Variants in CHRM3 observed in about 807,000 individuals in gnomAD.
The protein encoded by CHRM3 is cholinergic receptor muscarinic 3.
A neutral mutation model predicts 41.8 loss-of-function variants in CHRM3; 11 were observed. The ratio of observed to expected loss-of-function variants is 0.26; its 90% CI spans 0.17 to 0.44. CHRM3 has a LOEUF of 0.44. Ranked by LOEUF, CHRM3 falls within the 20% of genes least tolerant of loss-of-function variation. CHRM3 has a pLI of 1.00. For synonymous variants in CHRM3, 297 were observed against 301.4 expected (o/e 0.99, Z 0.15); for missense variants, 571 against 745.4 (o/e 0.77, Z 2.72).
intron 3 of CHRM3, among the ~76,000 whole-genome samples, chr1:239,565,776 GAAAAT>G (rs1661298751): frequency 1.3e-5 from 2 of 151,722 alleles, no homozygotes; most frequent in African/African-American, 4.8e-5. Flanking sequence ...AAGTAATTAA[GAAAAT>G]AAAATAACAC....
chr1:239,658,128 T>C lies in CHRM3; in HGVS notation c.-249-20058T>C, dbSNP rs1386575291. On this transcript the variant is annotated intron_variant, in intron 4 of 6. Coordinates refer to ENST00000676153, the MANE Select transcript of CHRM3 (RefSeq NM_001375978.1). The stretch of plus-strand genomic sequence containing the variant: ...CTGAGACTGAGAGTTAAGTATCTAA[T>C]AAATATGAGACTGGCTATTGAGATC... 3.9e-5 allele frequency among the ~76,000 whole-genome samples: 6 copies of C among 152,328 alleles called. No individual in the cohort carries two copies. The East Asian group carries it at 7.7e-4, about 20-fold the overall frequency.
intron 5 of CHRM3, among the ~76,000 whole-genome samples, chr1:239,821,050 G>A (rs1173064504): frequency 6.6e-6 from 1 of 152,094 alleles, no homozygotes; most frequent in African/African-American, 2.4e-5. Flanking sequence ...GATTTATGTG[G>A]GTTTATTATC....
intron 5 of CHRM3, among the ~76,000 whole-genome samples, chr1:239,782,970 G>A (rs901675544): frequency 7.5e-5 from 9 of 119,750 alleles, no homozygotes; most frequent in Admixed American, 6.7e-4. Context: ...TAAAGCAGAC[G>A]TTGTTTGATT....
At chr1:239,584,108 CTTTT>C (rs769127124) in intron 3 of CHRM3, among the ~76,000 whole-genome samples, 5 of 124,418 alleles carry the variant, frequency 4.0e-5, no homozygotes, top group South Asian at 2.6e-4. Context: ...TCTTCTTCTT[CTTTT>C]TTTTTTTTTT....
intron 5 of CHRM3, among the ~76,000 whole-genome samples, chr1:239,816,671 T>A (rs1417649364): frequency 4.6e-5 from 7 of 151,818 alleles, no homozygotes; most frequent in Admixed American, 1.3e-4. Flanking sequence ...GACTAAGCCC[T>A]ATTCTGCCTG....
chr1:239,599,277 C>T (rs965443834), intron 3 of CHRM3, among the ~76,000 whole-genome samples: 1 of 152,160 alleles, frequency 6.6e-6, no homozygotes, highest in South Asian at 2.1e-4. Flanking sequence ...CACAGTGACA[C>T]TCTTCCACAG....
rs151133274 is a variant in CHRM3 at position 239,603,744 on chromosome 1, G to A, written c.-312-28480G>A. On this transcript the variant is annotated intron_variant, in intron 3 of 6. Transcript: ENST00000676153. Reference sequence around the variant, plus strand: ...TATTTCTAAGCTGAGTCATGAGTGCGTGGGTGTTAATAAATGCACACACAT... The same window carrying A: ...TATTTCTAAGCTGAGTCATGAGTGCATGGGTGTTAATAAATGCACACACAT... Among the ~76,000 whole-genome samples the A allele has an allele frequency of 2.9e-3, 436 of 152,110 alleles. 3 individuals are homozygous for A. The highest frequency in any genetic ancestry group is 9.5e-3 in the African/African-American group (394 of 41,512).
chr1:239,522,154 T>A (rs1669692154), intron 2 of CHRM3, among the ~76,000 whole-genome samples: 1 of 152,226 alleles, frequency 6.6e-6, no homozygotes, highest in South Asian at 2.1e-4. Flanking sequence ...CCTCATCCCA[T>A]AAACAGTGGT....
intron 1 of CHRM3, among the ~76,000 whole-genome samples, chr1:239,397,235 T>C (rs1044510607): frequency 6.6e-6 from 1 of 152,208 alleles, no homozygotes; most frequent in African/African-American, 2.4e-5. Context: ...GAAATGTAAG[T>C]TTTCAAATTA....
At chr1:239,586,648 T>C (rs1445527547) in intron 3 of CHRM3, among the ~76,000 whole-genome samples, 1 of 152,178 alleles carries the variant, frequency 6.6e-6, no homozygotes, top group Non-Finnish European at 1.5e-5. Context: ...TTCTGGGATG[T>C]TATAAAGCAG....
chr1:239,869,277 A>G (rs1676376528), intron 6 of CHRM3, among the ~76,000 whole-genome samples: 1 of 152,204 alleles, frequency 6.6e-6, no homozygotes, highest in Non-Finnish European at 1.5e-5. Context: ...AGGAAGACAG[A>G]GTCAAGAATT....
At chr1:239,745,353 T>C (rs1023482005) in intron 5 of CHRM3, among the ~76,000 whole-genome samples, 2 of 152,006 alleles carry the variant, frequency 1.3e-5, no homozygotes, top group South Asian at 4.2e-4. Flanking sequence ...CAGGTAGACG[T>C]GTACCTACCT....
At chr1:239,429,031 T>G (rs184371997) in intron 1 of CHRM3, among the ~76,000 whole-genome samples, 1 of 152,308 alleles carries the variant, frequency 6.6e-6, no homozygotes, top group Admixed American at 6.5e-5. Context: ...ACCCAGAATT[T>G]TTCCCCACTG....
chr1:239,574,157 G>A (rs934256746), intron 3 of CHRM3, among the ~76,000 whole-genome samples: 6 of 152,102 alleles, frequency 3.9e-5, no homozygotes, highest in African/African-American at 1.4e-4. Flanking sequence ...CCCCATTTGA[G>A]TTTATTCTCA....
intron 6 of CHRM3, among the ~76,000 whole-genome samples, chr1:239,861,621 G>T (rs970149798): frequency 1.5e-4 from 23 of 152,100 alleles, no homozygotes; most frequent in African/African-American, 5.6e-4. Flanking sequence ...GGCAAGGTTG[G>T]GGCAAGAGAA....
chr1:239,479,237 C>T (rs1666667127), intron 1 of CHRM3, among the ~76,000 whole-genome samples: 2 of 142,310 alleles, frequency 1.4e-5, no homozygotes, highest in Non-Finnish European at 3.1e-5. Context: ...CACAGAAAAA[C>T]AGAGAGACAG....
intron 5 of CHRM3, 137 bp from the exon 6 acceptor site, chr1:239,827,115 T>C (rs1038077921): frequency 2.0e-5 from 3 of 152,190 alleles, no homozygotes; most frequent in Non-Finnish European, 4.4e-5. Flanking sequence ...CTTTCTTTTA[T>C]GACTTCAGTT....
At chr1:239,882,098 G>A (rs1210633746) in intron 6 of CHRM3, among the ~76,000 whole-genome samples, 2 of 152,034 alleles carry the variant, frequency 1.3e-5, no homozygotes, top group African/African-American at 4.8e-5. Flanking sequence ...AGTAGAGATG[G>A]GGTTTCGCCT....
At chr1:239,456,305 T>C (rs1664931377) in intron 1 of CHRM3, among the ~76,000 whole-genome samples, 1 of 152,214 alleles carries the variant, frequency 6.6e-6, no homozygotes, top group African/African-American at 2.4e-5. Context: ...TCGAGGTAAA[T>C]GCCCTATGCA....
Sources: gnomAD v4.1 joint callset for allele counts (sites outside exome capture counted in the v4.1 genomes callset) on GRCh38, gnomAD v4.1.1 for gene constraint, MANE v1.5 for transcripts, NCBI Gene and HGNC (gene_info 2026-07-23, HGNC 2026-07-21) for gene names.